Variants in HOXC4 observed in about 807,000 individuals in gnomAD.
HOXC4 encodes the protein homeobox C4, also known as homeobox protein Hox-C4.
HOXC4 carries 15 observed loss-of-function variants against 25.5 expected under a neutral mutation model. That is an observed-to-expected ratio of 0.59 (90% CI 0.39 to 0.91). The LOEUF (loss-of-function observed/expected upper bound fraction) is 0.91, where lower values mean the gene tolerates loss of function less well. Among genes scored for constraint, HOXC4 ranks in the 40% least tolerant of loss-of-function variants. HOXC4 has a pLI of 0.00. For missense variants in HOXC4, 342 were observed against 352.4 expected (o/e 0.97, Z 0.24); for synonymous variants, 165 against 148.0 (o/e 1.11, Z -0.83).
At chr12:54,046,079 A>G (rs1937698287) in intron 1 of HOXC4, among the ~76,000 whole-genome samples, 1 of 152,056 alleles carries the variant, frequency 6.6e-6, no homozygotes, top group Admixed American at 6.5e-5. Context: ...GTGGGGGAAA[A>G]AGGGATCAAG....
intron 1 of HOXC4, among the ~76,000 whole-genome samples, chr12:54,026,727 ACT>A (rs1490319843): frequency 3.3e-5 from 5 of 152,138 alleles, no homozygotes; most frequent in Non-Finnish European, 7.4e-5. Flanking sequence ...GCTCCTGCAC[ACT>A]GTCTGCTTTT....
chr12:54,048,546 A>G (rs1011882456), intron 1 of HOXC4, among the ~76,000 whole-genome samples: 1 of 152,124 alleles, frequency 6.6e-6, no homozygotes, highest in Non-Finnish European at 1.5e-5. Flanking sequence ...CCTTCTTGTG[A>G]AGCAACAGAG....
chr12:54,049,234 G>C (rs1241619057), upstream of HOXC4, among the ~76,000 whole-genome samples: 1 of 152,180 alleles, frequency 6.6e-6, no homozygotes, highest in Non-Finnish European at 1.5e-5. Context: ...GAACTCGCTG[G>C]AAGATCTAAA....
At chr12:54,050,113 T>C (rs780502226), upstream of HOXC4, among the ~76,000 whole-genome samples, 3 of 152,132 alleles carry the variant, frequency 2.0e-5, no homozygotes, top group African/African-American at 4.8e-5. Context: ...GGGTACGATT[T>C]TAATGCAGCA....
rs538461555 is a variant in HOXC4, at chr12:54,047,136, G to A, written c.-123-6024G>A. Reference sequence around the variant, plus strand: ...GGGGCTCTAGCTCCCCGCAAGCCTGGAGCCAGGCGTCGCGCTTCCTCCGGG... The same window carrying A: ...GGGGCTCTAGCTCCCCGCAAGCCTGAAGCCAGGCGTCGCGCTTCCTCCGGG... On this transcript the variant is annotated intron_variant, in intron 1 of 3. Transcript: ENST00000303406. Among the ~76,000 whole-genome samples the A allele has an allele frequency of 4.8e-4, 73 of 152,354 alleles. No individual in the cohort carries two copies. The South Asian group carries it at 0.015, about 32-fold the overall frequency.
intron 1 of HOXC4, among the ~76,000 whole-genome samples, chr12:54,045,855 C>T (rs570117772): frequency 2.0e-5 from 3 of 152,284 alleles, no homozygotes; most frequent in East Asian, 3.9e-4. Context: ...ATCTGTCCCT[C>T]GAAAACCTAC....
chr12:54,033,947 C>G (rs915371420), intron 1 of HOXC4: 2 of 482,852 alleles, frequency 4.1e-6, no homozygotes. Flanking sequence ...AGGATTCCAG[C>G]GACTCGGGAG....
chr12:54,032,999 A>G, intron 1 of HOXC4: 2 of 738,548 alleles, frequency 2.7e-6, no homozygotes, highest in Admixed American at 2.8e-5. Flanking sequence ...GCATAGGATA[A>G]AGAAAGAGAT....
chr12:54,029,760 G>T (rs1398975090), intron 1 of HOXC4: 2 of 1,614,174 alleles, frequency 1.2e-6, no homozygotes, highest in East Asian at 4.5e-5. Flanking sequence ...CTAACGCGGC[G>T]CCGGCGCATC....
chr12:54,031,182 A>G (rs1456547687), intron 1 of HOXC4, among the ~76,000 whole-genome samples: 1 of 152,198 alleles, frequency 6.6e-6, no homozygotes, highest in Non-Finnish European at 1.5e-5. Context: ...AGGCGCCCCG[A>G]AAGACCAGTA....
intron 1 of HOXC4, chr12:54,021,731 C>G (rs1241161084): frequency 6.6e-6 from 1 of 152,336 alleles, no homozygotes; most frequent in African/African-American, 2.4e-5. Context: ...GACATTACTC[C>G]AGGATTGTGC....
chr12:54,048,181 T>G (rs894372392), intron 1 of HOXC4, among the ~76,000 whole-genome samples: 2 of 151,916 alleles, frequency 1.3e-5, no homozygotes, highest in African/African-American at 4.8e-5. Context: ...GAACAGCTCC[T>G]GGAAGAGAAA....
rs539293574 is a variant in HOXC4, at chr12:54,039,423, T to C, written c.-123-13737T>C. Among the ~76,000 whole-genome samples, 31 of 152,196 alleles carry C rather than the reference T, an allele frequency of 2.0e-4. No individual in the cohort carries two copies. The East Asian group carries it at 6.0e-3, about 30-fold the overall frequency. On this transcript the variant is annotated intron_variant, in intron 1 of 3. Coordinates refer to the HOXC4 transcript ENST00000303406. ...AGCCCCATTCTTCAGTCTAGGGGTCTCTCACTTGCATGAGGAGCTCGGGAA... is the reference window on the plus strand; with the variant it reads ...AGCCCCATTCTTCAGTCTAGGGGTCCCTCACTTGCATGAGGAGCTCGGGAA...
In HOXC4 at chr12:54,033,810, G is replaced by A. The variant is rs374431908; in HGVS notation, c.-124+16396G>A. The A allele has an allele frequency of 8.7e-6, 5 of 572,820 alleles. No homozygotes were observed. The African/African-American group carries it at 9.5e-5, about 11-fold the overall frequency. 35.5% of individuals were successfully genotyped at this position (572,820 alleles called of 1,614,324 possible). A position where few individuals can be genotyped will look rare whatever the true frequency, so the allele number is the denominator to read the frequency against. The stretch of plus-strand genomic sequence containing the variant: ...GGCAATATTCAATTTTTGGGGGAGA[G>A]GGAGGGAGTTAAAAAAATAGAGGGA... On this transcript the variant is annotated intron_variant, in intron 1 of 3. Coordinates refer to the HOXC4 transcript ENST00000303406.
Position 54,038,796 on chromosome 12 carries a change from G to C in HOXC4, c.-123-14364G>C, listed in dbSNP as rs146233928. Reference sequence around the variant, plus strand: ...TGGAGTGTAATTGTGTGTTGAATGGGTGAGGGAGCAGAGGCAATGTCTTTG... The same window carrying C: ...TGGAGTGTAATTGTGTGTTGAATGGCTGAGGGAGCAGAGGCAATGTCTTTG... On this transcript the variant is annotated intron_variant, in intron 1 of 3. Coordinates refer to the HOXC4 transcript ENST00000303406. 3.4e-3 allele frequency among the ~76,000 whole-genome samples: 524 copies of C among 152,268 alleles called. 6 individuals are homozygous for C. Among genetic ancestry groups the C allele is most frequent in the African/African-American group, 0.012 (489 of 41,522 alleles).
upstream of HOXC4, among the ~76,000 whole-genome samples, chr12:54,049,682 T>G (rs1865097957): frequency 6.7e-6 from 1 of 149,342 alleles, no homozygotes; most frequent in Non-Finnish European, 1.5e-5. Flanking sequence ...AAAAATCAAT[T>G]AAGATTTGCA....
intron 1 of HOXC4, chr12:54,033,571 G>A (rs1320436290): frequency 6.3e-7 from 1 of 1,579,998 alleles, no homozygotes; most frequent in Non-Finnish European, 8.6e-7. Flanking sequence ...CTGCACATGA[G>A]CCACGGTAAA....
intron 1 of HOXC4, among the ~76,000 whole-genome samples, chr12:54,017,778 C>T (rs1161123146): frequency 6.6e-6 from 1 of 152,140 alleles, no homozygotes; most frequent in Non-Finnish European, 1.5e-5. Flanking sequence ...GGAACTGGGT[C>T]GGAGCGGAAC....
upstream of HOXC4, among the ~76,000 whole-genome samples, chr12:54,050,464 C>G (rs1937818929): frequency 6.6e-6 from 1 of 152,184 alleles, no homozygotes; most frequent in African/African-American, 2.4e-5. Flanking sequence ...CCTGGGCCAG[C>G]AAGGCGGGAG....
Sources: gnomAD v4.1 joint callset for allele counts (sites outside exome capture counted in the v4.1 genomes callset) on GRCh38, gnomAD v4.1.1 for gene constraint, MANE v1.5 for transcripts, NCBI Gene and HGNC (gene_info 2026-07-23, HGNC 2026-07-21) for gene names.